METTL25: variants seen among roughly 807,000 people sequenced by gnomAD.
METTL25 encodes the protein methyltransferase like 25, also known as probable methyltransferase-like protein 25.
METTL25 carries 64 observed loss-of-function variants against 71.6 expected under a neutral mutation model. The observed-to-expected ratio is 0.89, with a 90% confidence interval of 0.73 to 1.10. METTL25 has a LOEUF of 1.10. Ranked by LOEUF, METTL25 falls within the 50% of genes least tolerant of loss-of-function variation. The pLI is 0.00. For synonymous variants in METTL25, 287 were observed against 250.3 expected (o/e 1.15, Z -1.38); for missense variants, 807 against 707.0 (o/e 1.14, Z -1.60).
At chr12:82,367,700 A>G (rs780891541) in intron 1 of METTL25, among the ~76,000 whole-genome samples, 5 of 152,176 alleles carry the variant, frequency 3.3e-5, no homozygotes, top group Non-Finnish European at 7.3e-5. Flanking sequence ...CCAAAACCGT[A>G]GTTCTGATCT....
rs368575324 is a variant in METTL25 at position 82,453,214 on chromosome 12, A to G, written c.1479-3513A>G. ...AATTGTTAGAATTATTTAGTATCCC[A>G]TAGGTTCACTAAAACACTAAAATTC... On this transcript the variant is annotated intron_variant, in intron 8 of 11. Coordinates refer to ENST00000248306, the MANE Select transcript of METTL25 (RefSeq NM_032230.3). Among the ~76,000 whole-genome samples the G allele has an allele frequency of 1.1e-3, 161 of 152,246 alleles. 2 individuals are homozygous for G. Among genetic ancestry groups the G allele is most frequent in the African/African-American group, 3.6e-3 (150 of 41,550 alleles).
At chr12:82,389,782 C>A (rs1435650675) in intron 2 of METTL25, 34 bp from the exon 3 acceptor site, 3 of 1,261,230 alleles carry the variant, frequency 2.4e-6, no homozygotes, top group East Asian at 4.7e-5. Flanking sequence ...AATTTTGATT[C>A]TTTAATAGCA....
At chr12:82,390,473 A>C (rs1885468706) in intron 3 of METTL25, among the ~76,000 whole-genome samples, 1 of 152,132 alleles carries the variant, frequency 6.6e-6, no homozygotes, top group African/African-American at 2.4e-5. Context: ...GATTGTACAC[A>C]TTGGCCTATA....
Position 82,403,055 on chromosome 12 carries a change from T to C in METTL25, c.1204T>C (p.Ser402Pro). 6.2e-7 allele frequency: 1 copy of C among 1,613,534 alleles called. No individual in the cohort carries two copies. Among genetic ancestry groups the C allele is most frequent in the Non-Finnish European group, 8.5e-7 (1 of 1,179,630 alleles). The change falls in exon 5 of 12, where the codon TCT becomes CCT. Residue 402 changes from serine to proline, a missense_variant. By Grantham distance (74) the Ser-to-Pro change is moderately conservative. Coordinates refer to ENST00000248306, the MANE Select transcript of METTL25 (RefSeq NM_032230.3). ...PNTLRIFTSN[S>P]EIKGVCSVGC... Reference sequence around the variant, plus strand: ...TACTTTGCGAATATTTACCTCCAACTCTGAAATCAAGGGAGTTTGCAGTGT... The same window carrying C: ...TACTTTGCGAATATTTACCTCCAACCCTGAAATCAAGGGAGTTTGCAGTGT...
chr12:82,406,972 T>A (rs1456378077), intron 5 of METTL25, among the ~76,000 whole-genome samples: 1 of 152,068 alleles, frequency 6.6e-6, no homozygotes, highest in African/African-American at 2.4e-5. Context: ...CTTTTTCTCA[T>A]TGTAATTGTC....
chr12:82,396,282 A>G (rs1886076623), intron 3 of METTL25, among the ~76,000 whole-genome samples: 1 of 152,078 alleles, frequency 6.6e-6, no homozygotes, highest in Admixed American at 6.6e-5. Context: ...TCCCTGCAAT[A>G]CCTATCCTAG....
At chr12:82,422,191 T>C (rs1364309237) in intron 5 of METTL25, among the ~76,000 whole-genome samples, 1 of 152,140 alleles carries the variant, frequency 6.6e-6, no homozygotes, top group Non-Finnish European at 1.5e-5. Context: ...TCAAAAAGCT[T>C]ATCCACCATG....
chr12:82,438,699 A>G lies in METTL25; in HGVS notation c.1405-19A>G, dbSNP rs1890107542. ...TTTTTTTTGTTTCTTGTGCTTATAT[A>G]TGTCTACATTTTTTTCAGCTGCCTA... On this transcript the variant is annotated intron_variant, in intron 7 of 11. Transcript: ENST00000248306. 1 of 1,443,034 alleles carries G rather than the reference A, an allele frequency of 6.9e-7. No homozygotes were observed. Among genetic ancestry groups the G allele is most frequent in the South Asian group, 1.5e-5 (1 of 66,282 alleles). The allele number at this position is 1,443,034 out of a possible 1,614,324, so 89.4% of individuals were successfully genotyped here.
intron 1 of METTL25, among the ~76,000 whole-genome samples, chr12:82,361,012 A>G (rs952970066): frequency 6.6e-5 from 10 of 152,140 alleles, no homozygotes; most frequent in Admixed American, 5.2e-4. Flanking sequence ...GATTTATCAC[A>G]AGGAGTGAAA....
chr12:82,445,936 T>C (rs968608460), intron 8 of METTL25, among the ~76,000 whole-genome samples: 2 of 152,184 alleles, frequency 1.3e-5, no homozygotes, highest in African/African-American at 4.8e-5. Flanking sequence ...AAAAGTACAC[T>C]AGTAGTAGTT....
At chr12:82,463,601 G>A (rs2137278664) in intron 9 of METTL25, among the ~76,000 whole-genome samples, 1 of 152,104 alleles carries the variant, frequency 6.6e-6, no homozygotes, top group African/African-American at 2.4e-5. Context: ...TAAATGCCAA[G>A]TAGTGGGATT....
chr12:82,404,554 C>T (rs1445564064), intron 5 of METTL25, among the ~76,000 whole-genome samples: 1 of 151,980 alleles, frequency 6.6e-6, no homozygotes, highest in Non-Finnish European at 1.5e-5. Flanking sequence ...GTAAGTGCTT[C>T]CTTTTGGGGT....
At chr12:82,470,442 T>C (rs1018380042) in intron 9 of METTL25, among the ~76,000 whole-genome samples, 1 of 152,078 alleles carries the variant, frequency 6.6e-6, no homozygotes, top group Non-Finnish European at 1.5e-5. Context: ...GTGGAGAAAA[T>C]CATTTGCCAT....
intron 9 of METTL25, among the ~76,000 whole-genome samples, chr12:82,467,882 C>A (rs1354229633): frequency 2.0e-5 from 3 of 151,676 alleles, no homozygotes; most frequent in African/African-American, 7.3e-5. Flanking sequence ...GTTTTCTATA[C>A]CCTTTTCCTT....
chr12:82,438,576 C>T (rs770719489), intron 7 of METTL25, 142 bp from the exon 8 acceptor site: 10 of 373,530 alleles, frequency 2.7e-5, no homozygotes, highest in African/African-American at 1.3e-4. Flanking sequence ...CACTTTCGCT[C>T]GTAATGGAAA....
chr12:82,415,551 A>C (rs1044586855), intron 5 of METTL25, among the ~76,000 whole-genome samples: 4 of 152,236 alleles, frequency 2.6e-5, no homozygotes, highest in African/African-American at 9.6e-5. Context: ...GAGACCCAGG[A>C]AAGCCAGTGG....
intron 1 of METTL25, among the ~76,000 whole-genome samples, chr12:82,367,905 T>C (rs1002546677): frequency 6.6e-6 from 1 of 152,204 alleles, no homozygotes; most frequent in Non-Finnish European, 1.5e-5. Context: ...TCTGATACTT[T>C]AGTACTGCAT....
intron 9 of METTL25, among the ~76,000 whole-genome samples, chr12:82,458,174 G>A (rs1261289871): frequency 6.6e-6 from 1 of 151,884 alleles, no homozygotes; most frequent in African/African-American, 2.4e-5. Context: ...AAGATACTAA[G>A]AATAGTTAAT....
intron 10 of METTL25, among the ~76,000 whole-genome samples, chr12:82,477,027 T>G (rs1429557387): frequency 2.6e-5 from 4 of 151,886 alleles, no homozygotes; most frequent in Admixed American, 1.3e-4. Flanking sequence ...TAGTACCCCT[T>G]TAAAAGCTTT....
Sources: gnomAD v4.1 joint callset for allele counts (sites outside exome capture counted in the v4.1 genomes callset) on GRCh38, gnomAD v4.1.1 for gene constraint, MANE v1.5 for transcripts, NCBI Gene and HGNC (gene_info 2026-07-23, HGNC 2026-07-21) for gene names.